Variants in PDLIM5 observed in about 807,000 individuals in gnomAD.
The protein encoded by PDLIM5 is PDZ and LIM domain 5.
In PDLIM5, 34 loss-of-function variants were observed where a neutral mutation model predicts 64.2. The ratio of observed to expected loss-of-function variants is 0.53; its 90% confidence interval spans 0.40 to 0.71. The LOEUF (loss-of-function observed/expected upper bound fraction) is 0.71. PDLIM5 is among the 30% of genes least tolerant of loss of function. The pLI, the probability that PDLIM5 is intolerant of heterozygous loss-of-function variation, is 0.00. For missense variants in PDLIM5, 683 were observed against 733.6 expected, an observed-to-expected ratio of 0.93 and a Z score of 0.80; for synonymous variants, 253 against 269.1, an observed-to-expected ratio of 0.94 and a Z score of 0.59.
intron 8 of PDLIM5, among the ~76,000 whole-genome samples, chr4:94,627,804 T>C (rs1004102365): frequency 7.2e-5 from 11 of 152,322 alleles, no homozygotes; most frequent in African/African-American, 2.6e-4. Context: ...CATGGTTAGT[T>C]GCAGACTTTA....
chr4:94,594,105 A>G (rs1736878602), intron 7 of PDLIM5, among the ~76,000 whole-genome samples: 1 of 152,236 alleles, frequency 6.6e-6, no homozygotes, highest in Non-Finnish European at 1.5e-5. Flanking sequence ...TAAAATATCA[A>G]AACATTAATA....
At chr4:94,502,331 G>A (rs182703610) in intron 2 of PDLIM5, among the ~76,000 whole-genome samples, 70 of 152,272 alleles carry the variant, frequency 4.6e-4, no homozygotes, top group African/African-American at 1.6e-3. Flanking sequence ...GGATTCAACT[G>A]TTAAAGAATC....
chr4:94,535,351 T>C (rs1387839465), intron 3 of PDLIM5, among the ~76,000 whole-genome samples: 1 of 152,186 alleles, frequency 6.6e-6, no homozygotes, highest in Non-Finnish European at 1.5e-5. Flanking sequence ...CTCACTGAAG[T>C]CTGGCTTTGC....
intron 2 of PDLIM5, among the ~76,000 whole-genome samples, chr4:94,505,186 G>A (rs1278993276): frequency 6.6e-6 from 1 of 152,088 alleles, no homozygotes. Flanking sequence ...TACCTACCTG[G>A]AGATAGCCTT....
intron 7 of PDLIM5, among the ~76,000 whole-genome samples, chr4:94,598,314 G>A (rs945910826): frequency 5.9e-5 from 9 of 152,150 alleles, no homozygotes; most frequent in African/African-American, 2.2e-4. Context: ...CAGTAGTTCT[G>A]TTCTGCACTA....
chr4:94,537,783 C>T (rs1731441019), intron 3 of PDLIM5, among the ~76,000 whole-genome samples: 1 of 152,172 alleles, frequency 6.6e-6, no homozygotes, highest in Admixed American at 6.5e-5. Context: ...TTCAGAGTCA[C>T]ACAACTTGTA....
At chr4:94,662,368 A>G in intron 11 of PDLIM5, 54 bp from the exon 12 acceptor site, 4 of 819,384 alleles carry the variant, frequency 4.9e-6, no homozygotes, top group Non-Finnish European at 8.4e-6. Context: ...AGGAACGATC[A>G]TTCTAAAACT....
chr4:94,650,314 C>CA (rs1741743304), intron 9 of PDLIM5, among the ~76,000 whole-genome samples: 1 of 152,172 alleles, frequency 6.6e-6, no homozygotes, highest in South Asian at 2.1e-4. Context: ...GCCCTTTGCT[C>CA]ACGCCAGGCC....
chr4:94,520,917 T>C (rs1387228368), intron 2 of PDLIM5, among the ~76,000 whole-genome samples: 1 of 152,236 alleles, frequency 6.6e-6, no homozygotes, highest in African/African-American at 2.4e-5. Flanking sequence ...TGGGCATTTG[T>C]TTCCATTTGT....
chr4:94,620,442 T>C (rs1010008440), intron 8 of PDLIM5, among the ~76,000 whole-genome samples: 1 of 151,560 alleles, frequency 6.6e-6, no homozygotes, highest in Non-Finnish European at 1.5e-5. Context: ...GAGGCTGAGG[T>C]GGGAGCATCA....
chr4:94,493,223 A>G (rs1727029622), intron 2 of PDLIM5, among the ~76,000 whole-genome samples: 1 of 152,168 alleles, frequency 6.6e-6, no homozygotes, highest in Non-Finnish European at 1.5e-5. Flanking sequence ...ATTATAGAGT[A>G]GTAAGTTTTT....
chr4:94,490,854 GA>G (rs1726809309), intron 2 of PDLIM5, among the ~76,000 whole-genome samples: 1 of 152,170 alleles, frequency 6.6e-6, no homozygotes, highest in African/African-American at 2.4e-5. Context: ...GGTTTACCCA[GA>G]AGAGCATAGG....
chr4:94,552,774 T>C (rs1732922676), intron 3 of PDLIM5, among the ~76,000 whole-genome samples: 1 of 151,986 alleles, frequency 6.6e-6, no homozygotes, highest in African/African-American at 2.4e-5. Context: ...CATAAAATAG[T>C]AGTAGTAGAA....
intron 5 of PDLIM5, among the ~76,000 whole-genome samples, 159 bp downstream of exon 5, chr4:94,576,193 G>T (rs1482206181): frequency 6.6e-6 from 1 of 152,156 alleles, no homozygotes; most frequent in East Asian, 1.9e-4. Flanking sequence ...TATACATAGG[G>T]TACTTTCTGC....
chr4:94,623,675 G>T (rs576948682), intron 8 of PDLIM5, among the ~76,000 whole-genome samples: 2 of 151,954 alleles, frequency 1.3e-5, no homozygotes, highest in Non-Finnish European at 2.9e-5. Context: ...AAATGTCCCC[G>T]AGAAAGTGAG....
chr4:94,572,883 C>T (rs943016946), intron 3 of PDLIM5, among the ~76,000 whole-genome samples: 3 of 152,156 alleles, frequency 2.0e-5, no homozygotes, highest in Admixed American at 1.3e-4. Context: ...AGAATGTATT[C>T]AGCATCTTCA....
intron 5 of PDLIM5, chr4:94,584,849 A>G (rs957281102): frequency 1.6e-6 from 1 of 628,316 alleles, no homozygotes; most frequent in Non-Finnish European, 2.8e-6. Context: ...GAACAATACA[A>G]ATAATTTCAA....
intron 7 of PDLIM5, among the ~76,000 whole-genome samples, chr4:94,605,963 A>G (rs1737883098): frequency 6.6e-6 from 1 of 151,608 alleles, no homozygotes; most frequent in Admixed American, 6.6e-5. Context: ...TTTTAATATT[A>G]AAATATTTAT....
chr4:94,634,018 G>C (rs1410454101), intron 8 of PDLIM5, among the ~76,000 whole-genome samples: 1 of 152,150 alleles, frequency 6.6e-6, no homozygotes, highest in Non-Finnish European at 1.5e-5. Flanking sequence ...CAGGGGGCCA[G>C]CATGTCTGGG....
Sources: allele counts gnomAD v4.1 joint callset (sites outside exome capture counted in the v4.1 genomes callset), GRCh38; gene constraint gnomAD v4.1.1; transcripts MANE v1.5; gene names NCBI Gene and HGNC (gene_info 2026-07-23, HGNC 2026-07-21).